MED12L: variants seen among roughly 807,000 people sequenced by gnomAD.
MED12L encodes the protein mediator of RNA polymerase II transcription subunit 12-like protein.
A neutral mutation model predicts 281.3 loss-of-function variants in MED12L; 60 were observed. That is an observed-to-expected ratio of 0.21 (90% CI 0.17 to 0.26). MED12L has a LOEUF of 0.26. MED12L is among the 10% of genes least tolerant of loss of function. The probability of loss-of-function intolerance (pLI) is 1.00; values close to 1 mark genes in which losing one functional copy is unlikely to be tolerated. For missense variants in MED12L, 2,146 were observed against 2,680.9 expected (o/e 0.80, Z 4.41); for synonymous variants, 974 against 987.2 (o/e 0.99, Z 0.25).
chr3:151,338,317 AAG>A, intron 16 of MED12L: 2 of 1,614,152 alleles, frequency 1.2e-6, no homozygotes, highest in Non-Finnish European at 1.7e-6. Context: ...GATTTAAGGA[AAG>A]AGCATTTCTT....
At chr3:151,250,851 A>G (rs1299139187) in intron 16 of MED12L, among the ~76,000 whole-genome samples, 1 of 152,214 alleles carries the variant, frequency 6.6e-6, no homozygotes, top group Non-Finnish European at 1.5e-5. Flanking sequence ...TGTTTTCCAT[A>G]GAGGCTGAAT....
At chr3:151,338,083 C>A in intron 16 of MED12L, 1 of 1,613,690 alleles carries the variant, frequency 6.2e-7, no homozygotes, top group South Asian at 1.1e-5. Flanking sequence ...GGAATTCGGG[C>A]AAAATGGAAA....
chr3:151,329,576 A>G (rs775229714), intron 16 of MED12L: 23 of 1,363,774 alleles, frequency 1.7e-5, no homozygotes, highest in Non-Finnish European at 2.1e-5. Flanking sequence ...CTGCTTTCTT[A>G]TAGTGGATTT....
chr3:151,258,310 A>G (rs768670187), intron 16 of MED12L, among the ~76,000 whole-genome samples: 6 of 152,136 alleles, frequency 3.9e-5, no homozygotes, highest in Non-Finnish European at 5.9e-5. Context: ...CACTTTCTTT[A>G]ATTCTGTTTG....
At chr3:151,202,591 A>G (rs1460851194) in intron 16 of MED12L, among the ~76,000 whole-genome samples, 2 of 152,164 alleles carry the variant, frequency 1.3e-5, no homozygotes, top group Non-Finnish European at 2.9e-5. Context: ...AATTGTTTGA[A>G]CCCGGGATGT....
At chr3:151,144,013 A>G (rs1405578698) in intron 5 of MED12L, among the ~76,000 whole-genome samples, 1 of 152,260 alleles carries the variant, frequency 6.6e-6, no homozygotes, top group Non-Finnish European at 1.5e-5. Context: ...TTACCATATG[A>G]TAATTCCAAC....
chr3:151,376,137 A>T lies in MED12L; in HGVS notation c.3976A>T (p.Ile1326Phe). The T allele has an allele frequency of 6.2e-7, 1 of 1,611,082 alleles. No individual in the cohort carries two copies. Among genetic ancestry groups the T allele is most frequent in the Non-Finnish European group, 8.5e-7 (1 of 1,178,924 alleles). Residue 1326 changes from isoleucine (I) to phenylalanine (F), a missense_variant, in exon 28 of 45, where the codon ATC (isoleucine) becomes TTC (phenylalanine). By Grantham distance (21) the Ile-to-Phe change is conservative (BLOSUM62 0). This residue lies in a region of MED12L where 235 missense variants were observed against 260.3 expected (regional missense o/e 0.90). Transcript: ENST00000687756. ...GCAAGCACAGAAATTACTGCAGCTTATCTGTTATCCTCATGGCATTAAAGA... is the reference window on the plus strand; with the variant it reads ...GCAAGCACAGAAATTACTGCAGCTTTTCTGTTATCCTCATGGCATTAAAGA... ...NMQAQKLLQL[I>F]CYPHGIKECT... is the part of the protein sequence containing the mutation.
intron 14 of MED12L, 138 bp downstream of exon 14, chr3:151,191,069 T>C (rs1723912197): frequency 2.9e-6 from 2 of 693,258 alleles, no homozygotes; most frequent in Non-Finnish European, 2.4e-6. Flanking sequence ...TTATCTCTAC[T>C]TCTCGAGCAG....
chr3:151,118,051 G>A (rs1270696144), intron 3 of MED12L, among the ~76,000 whole-genome samples: 83 of 143,468 alleles, frequency 5.8e-4, no homozygotes, highest in African/African-American at 2.1e-3. Context: ...AGATTGCGCC[G>A]CTGCACTCCA....
intron 16 of MED12L, chr3:151,329,421 C>T (rs1560035539): frequency 8.5e-6 from 9 of 1,057,686 alleles, no homozygotes; most frequent in African/African-American, 1.6e-5. Context: ...ACCTTTTTTC[C>T]CTTAAGCATA....
At chr3:151,408,214 A>G (rs1287511779) in intron 39 of MED12L, among the ~76,000 whole-genome samples, 2 of 152,156 alleles carry the variant, frequency 1.3e-5, no homozygotes, top group Admixed American at 6.5e-5. Flanking sequence ...CTCCTTTCCT[A>G]TAGGGTTCTT....
At position 151,164,071 on chromosome 3, in the gene MED12L, G is replaced by T. The variant is rs188197076; in HGVS notation, c.1257+29G>T. ...GACTTTATGTTTCAGTGATTTGATG[G>T]CTGTTTTCATTCTTGACAGGCATCA... is the stretch of plus-strand genomic sequence containing the variant. On this transcript the variant is annotated intron_variant, in intron 9 of 44. Transcript: ENST00000687756. The T allele has an allele frequency of 3.5e-3, 5,664 of 1,606,244 alleles. 171 individuals are homozygous for T. The South Asian group carries it at 0.053, about 15-fold the overall frequency.
chr3:151,430,489 A>G (rs1392165599), intron 44 of MED12L, 109 bp downstream of exon 44: 10 of 1,491,414 alleles, frequency 6.7e-6, no homozygotes, highest in South Asian at 1.3e-5. Flanking sequence ...TCCTCAGTAC[A>G]ATGTTCATGT....
chr3:151,239,926 T>A (rs1271840053), intron 16 of MED12L, among the ~76,000 whole-genome samples: 1 of 152,234 alleles, frequency 6.6e-6, no homozygotes, highest in African/African-American at 2.4e-5. Context: ...TTTTTGTAAC[T>A]TGTACAGAAC....
chr3:151,200,295 A>G (rs1452013192), intron 16 of MED12L, among the ~76,000 whole-genome samples: 2 of 152,156 alleles, frequency 1.3e-5, no homozygotes, highest in Admixed American at 1.3e-4. Context: ...GGTCTATTCA[A>G]ACTCACATGC....
chr3:151,252,747 G>A (rs1281389203), intron 16 of MED12L, among the ~76,000 whole-genome samples: 1 of 151,998 alleles, frequency 6.6e-6, no homozygotes, highest in Non-Finnish European at 1.5e-5. Context: ...TGCAGGAGTA[G>A]GTTTGTTCAT....
chr3:151,376,330 A>T (rs1169667249), intron 28 of MED12L, 116 bp downstream of exon 28: 6 of 813,558 alleles, frequency 7.4e-6, no homozygotes, highest in Non-Finnish European at 1.1e-5. Context: ...TCTGATTTTT[A>T]TTCCCACACA....
chr3:151,344,257 A>G (rs574585665), intron 16 of MED12L, among the ~76,000 whole-genome samples: 16 of 151,516 alleles, frequency 1.1e-4, no homozygotes, highest in East Asian at 1.9e-4. Flanking sequence ...TCCGCCTCCT[A>G]TTTTCTTGAT....
chr3:151,160,086 T>C lies in MED12L; in HGVS notation c.1092T>C (p.Leu364=). 1 of 1,598,540 alleles carries C rather than the reference T, an allele frequency of 6.3e-7. No homozygotes were observed. ...AGCATGGTCCCCTGGTTTATGGACTTAGTTGTATGTTGCAGGTAAGTCCTT... is the reference window on the plus strand; with the variant it reads ...AGCATGGTCCCCTGGTTTATGGACTCAGTTGTATGTTGCAGGTAAGTCCTT... ...CAQHGPLVYG[L]SCMLQTVTLC... Residue 364 remains leucine, a synonymous_variant, in exon 8 of 45, where the codon CTT becomes CTC. Coordinates refer to ENST00000687756, the MANE Select transcript of MED12L (RefSeq NM_001393769.1).
Sources: allele counts gnomAD v4.1 joint callset (sites outside exome capture counted in the v4.1 genomes callset), GRCh38; gene constraint gnomAD v4.1.1; regional missense constraint gnomAD v4.1.1; transcripts MANE v1.5; gene names NCBI Gene and HGNC (gene_info 2026-07-23, HGNC 2026-07-21).